Variants in KLF17 observed in about 807,000 individuals in gnomAD.
KLF17 encodes the protein KLF transcription factor 17, also known as Krueppel-like factor 17.
Under a neutral mutation model 34.2 loss-of-function variants are expected in KLF17, and 31 were observed. The ratio of observed to expected loss-of-function variants is 0.91; its 90% CI spans 0.68 to 1.22. KLF17 has a LOEUF of 1.22. Among genes scored for constraint, KLF17 ranks in the 50% most tolerant of loss-of-function variants. The pLI, the probability that KLF17 is intolerant of heterozygous loss-of-function variation, is 0.00. For synonymous variants in KLF17, 179 were observed against 186.7 expected (o/e 0.96, Z 0.34); for missense variants, 478 against 505.2 (o/e 0.95, Z 0.52).
chr1:44,094,054 C>CA, the KLF17 span, among the ~76,000 whole-genome samples: 1 of 152,174 alleles, frequency 6.6e-6, no homozygotes, highest in Non-Finnish European at 1.5e-5. Flanking sequence ...TCGCCAGATG[C>CA]AAAACCCATG....
At chr1:44,070,645 C>G in the KLF17 span, among the ~76,000 whole-genome samples, 2 of 120,162 alleles carry the variant, frequency 1.7e-5, no homozygotes, top group African/African-American at 3.2e-5. Context: ...GTTGCCCAGG[C>G]TGGAGTGCAG....
the KLF17 span, chr1:44,074,812 CT>C: frequency 6.6e-6 from 1 of 152,118 alleles, no homozygotes; most frequent in South Asian, 2.1e-4. Flanking sequence ...TCAGAAGGCC[CT>C]TTTCTTCTTT....
chr1:44,130,323 G>GA, intron 2 of KLF17, 127 bp downstream of exon 2: 1 of 1,420,812 alleles, frequency 7.0e-7, no homozygotes, highest in Non-Finnish European at 9.6e-7. Flanking sequence ...AGCTAGACTG[G>GA]CCCCCCGACT....
the KLF17 span, among the ~76,000 whole-genome samples, chr1:44,102,559 TACACATACACACACAC>T: frequency 0.2 from 17,435 of 87,258 alleles, 1,528 homozygotes; most frequent in Non-Finnish European, 0.25. Flanking sequence ...ATCACACACA[TACACATACACACACAC>T]ACACACACAC....
At chr1:44,095,878 C>G in the KLF17 span, among the ~76,000 whole-genome samples, 1 of 151,426 alleles carries the variant, frequency 6.6e-6, no homozygotes, top group Non-Finnish European at 1.5e-5. Context: ...GATTTTATAT[C>G]CTGCAACTTT....
the KLF17 span, among the ~76,000 whole-genome samples, chr1:44,099,868 AG>A: frequency 1.6e-5 from 1 of 63,292 alleles, no homozygotes; most frequent in African/African-American, 4.8e-5. Context: ...AAAGAAAGAA[AG>A]AAAGAAAGAA....
the KLF17 span, among the ~76,000 whole-genome samples, chr1:44,092,525 A>C: frequency 6.6e-6 from 1 of 152,186 alleles, no homozygotes; most frequent in African/African-American, 2.4e-5. Context: ...TTCCCCCCAA[A>C]AGAAAAATTA....
chr1:44,080,092 C>A, the KLF17 span, among the ~76,000 whole-genome samples: 5 of 151,922 alleles, frequency 3.3e-5, no homozygotes, highest in Admixed American at 3.3e-4. Flanking sequence ...CCATGCGTGG[C>A]TAATTTTTGT....
At chr1:44,119,044 G>A in intron 1 of KLF17, 56 bp downstream of exon 1, 1 of 1,386,858 alleles carries the variant, frequency 7.2e-7, no homozygotes, top group Non-Finnish European at 9.9e-7. Context: ...GGGGGCGGCG[G>A]GGAGGGGAGG....
the KLF17 span, among the ~76,000 whole-genome samples, chr1:44,090,948 A>G: frequency 2.2e-5 from 3 of 135,138 alleles, no homozygotes; most frequent in South Asian, 4.9e-4. Flanking sequence ...ACACACACAC[A>G]CACGCACGCA....
chr1:44,054,278 TACA>T, the KLF17 span, among the ~76,000 whole-genome samples: 1 of 152,014 alleles, frequency 6.6e-6, no homozygotes, highest in African/African-American at 2.4e-5. Flanking sequence ...TTTTAGGGTT[TACA>T]ACAACAGGGA....
the KLF17 span, among the ~76,000 whole-genome samples, chr1:44,055,492 A>G: frequency 6.6e-6 from 1 of 152,252 alleles, no homozygotes; most frequent in African/African-American, 2.4e-5. Context: ...GGAGAGAATT[A>G]CTTTCCCAGT....
the KLF17 span, among the ~76,000 whole-genome samples, chr1:44,091,355 A>G: frequency 1.3e-5 from 2 of 152,046 alleles, no homozygotes; most frequent in Non-Finnish European, 2.9e-5. Context: ...TGTAGCTCCT[A>G]GAAAAGTCCA....
At chr1:44,098,565 TTCTG>T in the KLF17 span, among the ~76,000 whole-genome samples, 1 of 134,292 alleles carries the variant, frequency 7.4e-6, no homozygotes, top group Admixed American at 7.7e-5. Flanking sequence ...TTTTTTTTTT[TTCTG>T]AGACTGAGTC....
At chr1:44,045,717 C>T in the KLF17 span, among the ~76,000 whole-genome samples, 1 of 152,138 alleles carries the variant, frequency 6.6e-6, no homozygotes, top group African/African-American at 2.4e-5. Flanking sequence ...CTGGTCTTAC[C>T]CACAACACTA....
At chr1:44,065,181 G>A in the KLF17 span, among the ~76,000 whole-genome samples, 5 of 151,840 alleles carry the variant, frequency 3.3e-5, no homozygotes, top group South Asian at 6.2e-4. Context: ...TCAGCTACTC[G>A]GGAAGCTGAG....
the KLF17 span, among the ~76,000 whole-genome samples, chr1:44,083,548 G>C: frequency 6.6e-6 from 1 of 152,098 alleles, no homozygotes; most frequent in Non-Finnish European, 1.5e-5. Context: ...TGTAATCCCA[G>C]TGCTTTGGGA....
At chr1:44,078,975 G>C in the KLF17 span, among the ~76,000 whole-genome samples, 1 of 152,178 alleles carries the variant, frequency 6.6e-6, no homozygotes, top group East Asian at 1.9e-4. Context: ...ATGAGACACC[G>C]TGCCTGGCCC....
intron 1 of KLF17, chr1:44,122,072 AT>A: frequency 1.2e-6 from 1 of 868,354 alleles, no homozygotes; most frequent in South Asian, 1.5e-5. Flanking sequence ...TTTTATGTTT[AT>A]TAAAAACTGA....
Sources: allele counts gnomAD v4.1 joint callset (sites outside exome capture counted in the v4.1 genomes callset), GRCh38; gene constraint gnomAD v4.1.1; transcripts MANE v1.5; gene names NCBI Gene and HGNC (gene_info 2026-07-23, HGNC 2026-07-21).